Variants in CLYBL observed in about 807,000 individuals in gnomAD.
CLYBL encodes citramalyl-CoA lyase, mitochondrial.
CLYBL carries 31 observed loss-of-function variants against 38.9 expected under a neutral mutation model. That is an observed-to-expected ratio of 0.80 (90% confidence interval 0.60 to 1.08). The LOEUF (loss-of-function observed/expected upper bound fraction) is 1.08, where lower values mean the gene tolerates loss of function less well. Ranked by LOEUF, CLYBL falls within the 50% of genes least tolerant of loss-of-function variation. The probability of loss-of-function intolerance (pLI) is 0.00; values close to 1 mark genes in which losing one functional copy is unlikely to be tolerated. For synonymous variants in CLYBL, 171 were observed against 158.6 expected, an observed-to-expected ratio of 1.08 and a Z score of -0.59; for missense variants, 434 against 411.6, an observed-to-expected ratio of 1.05 and a Z score of -0.47.
chr13:99,833,935 C>T (rs1315718835), intron 2 of CLYBL, among the ~76,000 whole-genome samples: 2 of 151,956 alleles, frequency 1.3e-5, no homozygotes, highest in Non-Finnish European at 2.9e-5. Context: ...CTCCTGATAT[C>T]GTGATCTGCC....
intron 2 of CLYBL, among the ~76,000 whole-genome samples, chr13:99,799,132 G>T (rs2050079321): frequency 6.6e-6 from 1 of 152,158 alleles, no homozygotes; most frequent in South Asian, 2.1e-4. Context: ...GACAGTGGAG[G>T]CTGGGCAGTA....
intron 1 of CLYBL, among the ~76,000 whole-genome samples, chr13:99,694,255 T>C (rs1457882561): frequency 1.3e-5 from 2 of 152,094 alleles, no homozygotes; most frequent in Non-Finnish European, 2.9e-5. Flanking sequence ...GGGAATCTGA[T>C]AGAACAATTG....
At chr13:99,699,112 G>A (rs1221794020) in intron 1 of CLYBL, among the ~76,000 whole-genome samples, 1 of 152,106 alleles carries the variant, frequency 6.6e-6, no homozygotes. Context: ...TGGGACTGGC[G>A]CAGTGGCTCA....
chr13:99,835,042 C>G (rs1431670884), intron 2 of CLYBL, among the ~76,000 whole-genome samples: 1 of 152,164 alleles, frequency 6.6e-6, no homozygotes, highest in African/African-American at 2.4e-5. Flanking sequence ...TCTCCAAGAT[C>G]AGTAAAAAGA....
At position 99,866,440 on chromosome 13, in the gene CLYBL, A is replaced by G. The variant is rs761940447; in HGVS notation, c.802+33A>G. On this transcript the variant is annotated intron_variant, in intron 6 of 8. Transcript: ENST00000339105. ...TCCTGTCTTAGAAAGCAGTGTCTAA[A>G]TTAGCAAGCATTCCAGAAAAATAGA... 107 of 1,583,690 alleles carry G rather than the reference A, an allele frequency of 6.8e-5. No homozygotes were observed. In the South Asian group the frequency reaches 1.1e-3, roughly 16 times the overall value.
chr13:99,841,057 C>T (rs1468763978), intron 2 of CLYBL, among the ~76,000 whole-genome samples: 2 of 152,112 alleles, frequency 1.3e-5, no homozygotes, highest in Non-Finnish European at 2.9e-5. Context: ...CATCTGCAAC[C>T]TATAGCCTGT....
At chr13:99,620,759 A>G (rs1247308851) in intron 1 of CLYBL, among the ~76,000 whole-genome samples, 1 of 151,970 alleles carries the variant, frequency 6.6e-6, no homozygotes, top group Non-Finnish European at 1.5e-5. Flanking sequence ...CCTGGGTGAC[A>G]GTGAGACTCT....
In CLYBL at chr13:99,869,502, T is replaced by C. The variant is rs1339523339; in HGVS notation, c.803-1436T>C. Among the ~76,000 whole-genome samples, 1 of 152,152 alleles carries C rather than the reference T, an allele frequency of 6.6e-6. No individual in the cohort carries two copies. The highest frequency in any genetic ancestry group is 2.1e-4 in the South Asian group (1 of 4,820). On this transcript the variant is annotated intron_variant, in intron 6 of 8. Transcript: ENST00000339105. This position sits in a 1 kb window ranked among gnomAD's most constrained non-coding sequence, Gnocchi z 4.3. Reference sequence around the variant, plus strand: ...CATGTTATTCGTTCCCAGAAATTATTCCTCAGGTAATTTAAGGAATCTTTA... The same window carrying C: ...CATGTTATTCGTTCCCAGAAATTATCCCTCAGGTAATTTAAGGAATCTTTA...
In CLYBL at chr13:99,830,265, C is replaced by T. The variant is rs578122443; in HGVS notation, c.250-28596C>T. Among the ~76,000 whole-genome samples, 11 of 152,246 alleles carry T rather than the reference C, an allele frequency of 7.2e-5. No individual in the cohort carries two copies. In the South Asian group the frequency reaches 1.5e-3, roughly 20 times the overall value. Reference sequence around the variant, plus strand: ...TATTTATTAGGCCTAAGTGGAAGAGCCAGCATTCTTGATGAAAAGAATTAC... The same window carrying T: ...TATTTATTAGGCCTAAGTGGAAGAGTCAGCATTCTTGATGAAAAGAATTAC... On this transcript the variant is annotated intron_variant, in intron 2 of 8. Transcript: ENST00000339105.
chr13:99,734,377 A>G (rs1018964643), intron 1 of CLYBL, among the ~76,000 whole-genome samples: 1 of 152,130 alleles, frequency 6.6e-6, no homozygotes, highest in African/African-American at 2.4e-5. Flanking sequence ...CATAGGGGGA[A>G]TAAGAAAAGT....
chr13:99,742,880 T>G (rs1458509433), intron 1 of CLYBL, among the ~76,000 whole-genome samples: 2 of 152,192 alleles, frequency 1.3e-5, no homozygotes, highest in Non-Finnish European at 2.9e-5. Context: ...TCTGTTTTCC[T>G]TCTCCTCCTC....
At chr13:99,658,279 G>A (rs1194315262) in intron 1 of CLYBL, among the ~76,000 whole-genome samples, 1 of 152,248 alleles carries the variant, frequency 6.6e-6, no homozygotes, top group East Asian at 1.9e-4. Flanking sequence ...TAGTGTGGGA[G>A]CTCTCAAGAG....
At chr13:99,637,091 G>A (rs1158234572) in intron 1 of CLYBL, among the ~76,000 whole-genome samples, 1 of 152,142 alleles carries the variant, frequency 6.6e-6, no homozygotes, top group African/African-American at 2.4e-5. Flanking sequence ...TGTTGGCCAG[G>A]CTGGTCTTGA....
chr13:99,737,844 T>C (rs2048692515), intron 1 of CLYBL, among the ~76,000 whole-genome samples: 1 of 152,224 alleles, frequency 6.6e-6, no homozygotes, highest in Admixed American at 6.5e-5. Context: ...CTCCAACTTT[T>C]AGAAGAGGCT....
intron 8 of CLYBL, among the ~76,000 whole-genome samples, chr13:99,903,337 C>T (rs536379336): frequency 1.3e-5 from 2 of 152,158 alleles, no homozygotes; most frequent in African/African-American, 4.8e-5. Flanking sequence ...TACTCCTCCC[C>T]CATCCCAGCA....
intron 1 of CLYBL, among the ~76,000 whole-genome samples, chr13:99,673,550 G>A (rs189222493): frequency 1.9e-4 from 29 of 152,196 alleles, no homozygotes; most frequent in Non-Finnish European, 7.3e-5. Flanking sequence ...GAAGGACTTA[G>A]CCTTGAATAC....
chr13:99,871,021 G>A lies in CLYBL; in HGVS notation c.886G>A (p.Glu296Lys), dbSNP rs1304508446. The change falls in exon 7 of 9, where the codon GAA becomes AAA. Residue 296 changes from glutamate to lysine, a missense_variant. Transcript: ENST00000339105. ...CCCTGAAAAAATTAAGTGGGCTGAA[G>A]AACTGATTGCTGCCTTTAAAGAACA... ...PSPEKIKWAE[E>K]LIAAFKEHQQ... The A allele has an allele frequency of 1.2e-6, 2 of 1,614,006 alleles. No homozygotes were observed. Among genetic ancestry groups the A allele is most frequent in the Non-Finnish European group, 1.7e-6 (2 of 1,179,934 alleles).
chr13:99,880,935 T>C (rs948563835), intron 7 of CLYBL, among the ~76,000 whole-genome samples: 148 of 152,222 alleles, frequency 9.7e-4, no homozygotes, highest in African/African-American at 3.4e-3. Context: ...CCCAACCTCC[T>C]GCACGACCCC....
chr13:99,747,167 C>G (rs1218462640), intron 1 of CLYBL, among the ~76,000 whole-genome samples: 1 of 152,110 alleles, frequency 6.6e-6, no homozygotes, highest in Non-Finnish European at 1.5e-5. Context: ...CTCTTCCACA[C>G]AAAACAAGGA....
Sources: allele counts gnomAD v4.1 joint callset (sites outside exome capture counted in the v4.1 genomes callset), GRCh38; gene constraint gnomAD v4.1.1; non-coding constraint Gnocchi (gnomAD v3.1); transcripts MANE v1.5; gene names NCBI Gene and HGNC (gene_info 2026-07-23, HGNC 2026-07-21).